The following NCAPD3 variants were observed in gnomAD, a reference collection of about 807,000 sequenced individuals.
NCAPD3 encodes condensin-2 complex subunit D3.
Under a neutral mutation model 182.9 loss-of-function variants are expected in NCAPD3, and 105 were observed. The ratio of observed to expected loss-of-function variants is 0.57; its 90% CI spans 0.49 to 0.68. The LOEUF (loss-of-function observed/expected upper bound fraction) is 0.68. Among genes scored for constraint, NCAPD3 ranks in the 30% least tolerant of loss-of-function variants. The pLI, the probability that NCAPD3 is intolerant of heterozygous loss-of-function variation, is 0.00. For missense variants in NCAPD3, 1,944 were observed against 1,837.0 expected (o/e 1.06, Z -1.07); for synonymous variants, 815 against 679.9 (o/e 1.20, Z -3.09).
At chr11:134,155,010 C>T (rs1565514003) in intron 32 of NCAPD3, among the ~76,000 whole-genome samples, 1 of 152,142 alleles carries the variant, frequency 6.6e-6, no homozygotes, top group Non-Finnish European at 1.5e-5. Flanking sequence ...CATATGCACT[C>T]CAGGAAATTA....
intron 2 of NCAPD3, among the ~76,000 whole-genome samples, chr11:134,220,217 T>C (rs143595440): frequency 7.1e-4 from 108 of 152,036 alleles, no homozygotes; most frequent in African/African-American, 2.4e-3. Flanking sequence ...GATGGGGTTT[T>C]GCCATGTTGC....
At chr11:134,201,748 C>A (rs1352706943) in intron 13 of NCAPD3, among the ~76,000 whole-genome samples, 1 of 152,198 alleles carries the variant, frequency 6.6e-6, no homozygotes, top group East Asian at 1.9e-4. Context: ...AAATCCGTAA[C>A]CTGTTTAGAC....
intron 17 of NCAPD3, 23 bp downstream of exon 17, chr11:134,185,312 T>G: frequency 1.3e-6 from 2 of 1,569,028 alleles, no homozygotes; most frequent in Non-Finnish European, 1.7e-6. Flanking sequence ...GTGTCATTAC[T>G]GGTTAAATTA....
rs1591860884 is a variant in NCAPD3 at position 134,210,253 on chromosome 11, C to T, written c.567+17G>A. On this transcript the variant is annotated intron_variant, in intron 4 of 34. Transcript: ENST00000534548. ...CGTGTGTTGGTATATATGTTTTATA[C>T]TCAACTTACTTCTTACCTCAATATC... 1 of 1,600,764 alleles carries T rather than the reference C, an allele frequency of 6.2e-7. No homozygotes were observed. The highest frequency in any genetic ancestry group is 8.5e-7 in the Non-Finnish European group (1 of 1,173,518).
intron 6 of NCAPD3, 96 bp downstream of exon 6, chr11:134,209,049 T>G (rs1937724956): frequency 6.9e-7 from 1 of 1,454,026 alleles, no homozygotes; most frequent in Non-Finnish European, 9.6e-7. Context: ...ATTCTACCTG[T>G]GTGCCAATTG....
chr11:134,212,375 TTGTGTG>T (rs56807520), intron 3 of NCAPD3, among the ~76,000 whole-genome samples: 120 of 143,270 alleles, frequency 8.4e-4, no homozygotes, highest in Middle Eastern at 7.3e-3. Flanking sequence ...TTTTGTTGTT[TTGTGTG>T]TGTGTGTGTG....
In NCAPD3 at chr11:134,194,728, G is replaced by A. The variant is rs879327115; in HGVS notation, c.1626C>T (p.Val542=). ...GETVGSGERC[V]MAMLRRRIRD... ...TGATCCTCCTTCTCAGCATTGCCATGACACATCTTTCTGTAGAGGGAATAC... is the reference window on the plus strand; with the variant it reads ...TGATCCTCCTTCTCAGCATTGCCATAACACATCTTTCTGTAGAGGGAATAC... Residue 542 remains valine (V), a synonymous_variant, in exon 14 of 35, where the codon GTC becomes GTT. Transcript: ENST00000534548. 11 of 1,604,794 alleles carry A rather than the reference G, an allele frequency of 6.9e-6. No individual in the cohort carries two copies. The highest frequency in any genetic ancestry group is 9.4e-6 in the Non-Finnish European group (11 of 1,175,352).
At chr11:134,168,379 G>T in intron 26 of NCAPD3, 90 bp downstream of exon 26, 9 of 1,566,858 alleles carry the variant, frequency 5.7e-6, no homozygotes, top group Admixed American at 5.1e-5. Flanking sequence ...CAGTGCCAGG[G>T]TCTCCCTTAC....
chr11:134,175,622 T>C (rs1376344146), intron 24 of NCAPD3, among the ~76,000 whole-genome samples: 2 of 152,218 alleles, frequency 1.3e-5, no homozygotes, highest in African/African-American at 4.8e-5. Context: ...ACTGTGGGGC[T>C]TTTGCTATGG....
At position 134,176,364 on chromosome 11, in the gene NCAPD3, C is replaced by G; in HGVS notation, c.3044G>C (p.Gly1015Ala). ...GCTGACAAATCGGAAGAACAGGGAGCCCTTCCATTTCACAAATTCCTCCTG... is the reference window on the plus strand; with the variant it reads ...GCTGACAAATCGGAAGAACAGGGAGGCCTTCCATTTCACAAATTCCTCCTG... ...LLQEEFVKWK[G>A]SLFFRFVSTL... Residue 1015 changes from glycine to alanine, a missense_variant, in exon 24 of 35, where the codon GGC (glycine) becomes GCC (alanine). Gly to Ala is a moderately conservative substitution (Grantham distance 60). Around this residue, in one of 3 missense-constraint regions of NCAPD3, gnomAD observed 1,803 missense variants for 1,674.6 expected, o/e 1.08. Coordinates refer to ENST00000534548, the MANE Select transcript of NCAPD3 (RefSeq NM_015261.3). 6.2e-7 allele frequency: 1 copy of G among 1,613,974 alleles called. No homozygotes were observed. Among genetic ancestry groups the G allele is most frequent in the Non-Finnish European group, 8.5e-7 (1 of 1,179,916 alleles).
At chr11:134,172,685 G>A (rs1944038963) in intron 24 of NCAPD3, among the ~76,000 whole-genome samples, 1 of 152,086 alleles carries the variant, frequency 6.6e-6, no homozygotes, top group Admixed American at 6.6e-5. Flanking sequence ...CTATCGGGCA[G>A]ACAGGAAGAC....
At chr11:134,170,553 T>A (rs1052669022) in intron 24 of NCAPD3, among the ~76,000 whole-genome samples, 5 of 152,238 alleles carry the variant, frequency 3.3e-5, no homozygotes, top group African/African-American at 1.2e-4. Context: ...AGAAATGAAG[T>A]CACATATACG....
At chr11:134,175,468 T>C (rs1339336734) in intron 24 of NCAPD3, among the ~76,000 whole-genome samples, 1 of 152,198 alleles carries the variant, frequency 6.6e-6, no homozygotes, top group Non-Finnish European at 1.5e-5. Flanking sequence ...AATGTTCCCC[T>C]CCTTGGAAAA....
Position 134,158,089 on chromosome 11 carries a change from GCTGA to G in NCAPD3, c.4035-26_4035-23del, listed in dbSNP as rs201532716. 13,702 of 1,608,838 alleles carry G rather than the reference GCTGA, an allele frequency of 8.5e-3. 77 individuals are homozygous for G. Among genetic ancestry groups the G allele is most frequent in the Non-Finnish European group, 9.3e-3 (10,942 of 1,177,148 alleles). Reference sequence around the variant, plus strand: ...GGGCCTGTGGAGAACAGCCACAGCCGCTGACTTTCTCACTGCAGACCACTGCAGA... The same window carrying G: ...GGGCCTGTGGAGAACAGCCACAGCCGCTTTCTCACTGCAGACCACTGCAGA... On this transcript the variant is annotated intron_variant, in intron 30 of 34. Transcript: ENST00000534548.
At chr11:134,199,926 CAAAT>C (rs1465674117) in intron 13 of NCAPD3, among the ~76,000 whole-genome samples, 7 of 152,010 alleles carry the variant, frequency 4.6e-5, no homozygotes, top group African/African-American at 1.7e-4. Context: ...ATAGAGCACA[CAAAT>C]AAGCTCATGA....
intron 3 of NCAPD3, 132 bp downstream of exon 3, chr11:134,216,804 C>A: frequency 1.2e-6 from 1 of 842,530 alleles, no homozygotes; most frequent in Non-Finnish European, 1.7e-6. Flanking sequence ...TTGCTCCTCG[C>A]AACAACTCTC....
chr11:134,202,543 G>A (rs1319304268), intron 13 of NCAPD3, among the ~76,000 whole-genome samples: 2 of 151,682 alleles, frequency 1.3e-5, no homozygotes, highest in East Asian at 1.9e-4. Context: ...ACGCCCAGCT[G>A]ATTTTTATAT....
chr11:134,196,841 T>C (rs1944640230), intron 13 of NCAPD3, among the ~76,000 whole-genome samples: 1 of 152,156 alleles, frequency 6.6e-6, no homozygotes, highest in Non-Finnish European at 1.5e-5. Context: ...GAATACACTT[T>C]CCAGCTCATC....
Position 134,151,544 on chromosome 11 carries a change from G to T in NCAPD3, c.*1400C>A, listed in dbSNP as rs1429540844. 6.6e-6 allele frequency: 1 copy of T among 152,210 alleles called. No homozygotes were observed. Among genetic ancestry groups the T allele is most frequent in the Non-Finnish European group, 1.5e-5 (1 of 68,048 alleles). 9.4% of individuals were successfully genotyped at this position (152,210 alleles called of 1,614,324 possible). A position where few individuals can be genotyped will look rare whatever the true frequency, so the allele number is the denominator to read the frequency against. On this transcript the variant is annotated 3_prime_UTR_variant, in exon 35 of 35. Coordinates refer to ENST00000534548, the MANE Select transcript of NCAPD3 (RefSeq NM_015261.3). ...GTAGAGAGAAGTGAAAGTAGAGTCT[G>T]GGAAGTAGCTGCCTATAACTGAGAC... is the stretch of plus-strand genomic sequence containing the variant.
Sources: gnomAD v4.1 joint callset for allele counts (sites outside exome capture counted in the v4.1 genomes callset) on GRCh38, gnomAD v4.1.1 for gene constraint, gnomAD v4.1.1 regional missense constraint, MANE v1.5 for transcripts, NCBI Gene and HGNC (gene_info 2026-07-23, HGNC 2026-07-21) for gene names.